The following SEC14L5 variants were observed in gnomAD, a reference collection of about 807,000 sequenced individuals.
SEC14L5 encodes SEC14-like protein 5.
In SEC14L5, 96 loss-of-function variants were observed where a neutral mutation model predicts 84.6. The ratio of observed to expected loss-of-function variants is 1.13; its 90% CI spans 0.96 to 1.34. The LOEUF is 1.34. SEC14L5 is among the 40% of genes most tolerant of loss of function. The pLI is 0.00. For missense variants in SEC14L5, 1,224 were observed against 942.5 expected (o/e 1.30, Z -3.91); for synonymous variants, 546 against 383.4 (o/e 1.42, Z -4.95).
chr16:4,999,437 C>T (rs371831625), intron 8 of SEC14L5, among the ~76,000 whole-genome samples: 1 of 151,430 alleles, frequency 6.6e-6, no homozygotes. Context: ...AGCTCGCCCC[C>T]CTCCACCACA....
intron 2 of SEC14L5, among the ~76,000 whole-genome samples, chr16:4,972,099 G>C (rs1158269264): frequency 2.6e-5 from 4 of 151,790 alleles, no homozygotes; most frequent in Non-Finnish European, 5.9e-5. Context: ...TCAACCTCCT[G>C]GGTTCAAGCG....
chr16:4,969,820 CTTTT>C (rs1050575299), intron 2 of SEC14L5, among the ~76,000 whole-genome samples: 1 of 141,304 alleles, frequency 7.1e-6, no homozygotes, highest in Non-Finnish European at 1.5e-5. Flanking sequence ...TTTTTCTTTC[CTTTT>C]TTTTTTTTTT....
At chr16:4,973,019 A>G (rs368257319) in intron 2 of SEC14L5, among the ~76,000 whole-genome samples, 2 of 152,222 alleles carry the variant, frequency 1.3e-5, no homozygotes, top group Non-Finnish European at 2.9e-5. Context: ...CTGCAAATTC[A>G]GGGATGTCAG....
rs371810475 is a variant in SEC14L5, at chr16:4,996,990, C to A, written c.916C>A (p.Pro306Thr). The change falls in exon 8 of 16, where the codon CCC (proline) becomes ACC (threonine). Residue 306 changes from proline (P) to threonine (T), a missense_variant. Coordinates refer to ENST00000251170, the MANE Select transcript of SEC14L5 (RefSeq NM_014692.2). Reference sequence around the variant, plus strand: ...GGATCTCCTCCTTCAGACCTGGCAACCCCCTGCCCTGCTGGAGGAGTTCTA... The same window carrying A: ...GGATCTCCTCCTTCAGACCTGGCAAACCCCTGCCCTGCTGGAGGAGTTCTA... The part of the protein sequence containing the change: ...QVDLLLQTWQ[P>T]PALLEEFYAG... 1 of 1,613,334 alleles carries A rather than the reference C, an allele frequency of 6.2e-7. No homozygotes were observed. Among genetic ancestry groups the A allele is most frequent in the Admixed American group, 1.7e-5 (1 of 59,934 alleles).
At chr16:5,014,519 AG>A (rs1001317615) in intron 15 of SEC14L5, among the ~76,000 whole-genome samples, 108 of 152,372 alleles carry the variant, frequency 7.1e-4, no homozygotes, top group African/African-American at 2.5e-3. Flanking sequence ...AAGAGCTAGG[AG>A]GAGGACCATG....
At position 5,014,935 on chromosome 16, in the gene SEC14L5, G is replaced by C. The variant is rs764165666; in HGVS notation, c.2056G>C (p.Gly686Arg). 3 of 1,612,442 alleles carry C rather than the reference G, an allele frequency of 1.9e-6. No homozygotes were observed. The highest frequency in any genetic ancestry group is 2.5e-6 in the Non-Finnish European group (3 of 1,179,848). The change falls in exon 16 of 16, where the codon GGC becomes CGC. Residue 686 changes from glycine (G) to arginine (R), a missense_variant. By Grantham distance (125) the Gly-to-Arg change is moderately radical. Coordinates refer to ENST00000251170, the MANE Select transcript of SEC14L5 (RefSeq NM_014692.2). ...LSAATSSSSS[G>R]QSHSSSLVSR Reference sequence around the variant, plus strand: ...CGCCGCCACCTCGTCCTCCTCCTCCGGCCAGTCTCATAGCAGCTCCCTGGT... The same window carrying C: ...CGCCGCCACCTCGTCCTCCTCCTCCCGCCAGTCTCATAGCAGCTCCCTGGT...
chr16:4,983,631 C>A (rs1955452503), intron 2 of SEC14L5, among the ~76,000 whole-genome samples: 1 of 151,438 alleles, frequency 6.6e-6, no homozygotes, highest in South Asian at 2.1e-4. Flanking sequence ...AATCCCAGCA[C>A]TTTGGGAGGC....
At chr16:4,977,154 G>C (rs996977983) in intron 2 of SEC14L5, among the ~76,000 whole-genome samples, 1 of 152,128 alleles carries the variant, frequency 6.6e-6, no homozygotes, top group Admixed American at 6.6e-5. Context: ...AATACAAAAA[G>C]AAACCTGCAG....
At position 5,000,879 on chromosome 16, in the gene SEC14L5, C is replaced by T. The variant is rs1350707713; in HGVS notation, c.1084C>T (p.Gln362Ter). ...GGTTCTCTCCGTCAACGAGGAAGGA[C>T]AGAAGCGGTGTGAGGGGAGCACAAG... ...RHVLSVNEEGQKRCEGSTRQL... is the reference protein window; with the variant it reads ...RHVLSVNEEG The change falls in exon 10 of 16, where the codon CAG (glutamine) becomes TAG (stop). Residue 362 changes from glutamine to a stop codon, truncating the protein, a stop_gained. Coordinates refer to ENST00000251170, the MANE Select transcript of SEC14L5 (RefSeq NM_014692.2). LOFTEE classifies it high-confidence loss of function. 2 of 1,608,554 alleles carry T rather than the reference C, an allele frequency of 1.2e-6. No individual in the cohort carries two copies. Among genetic ancestry groups the T allele is most frequent in the Non-Finnish European group, 1.7e-6 (2 of 1,177,686 alleles).
Position 4,996,974 on chromosome 16 carries a change from C to T in SEC14L5, c.900C>T (p.Leu300=), listed in dbSNP as rs758520933. 6.2e-7 allele frequency: 1 copy of T among 1,613,648 alleles called. No homozygotes were observed. Among genetic ancestry groups the T allele is most frequent in the South Asian group, 1.1e-5 (1 of 91,004 alleles). ...GCAAGCAGCACCAGGTGGATCTCCT[C>T]CTTCAGACCTGGCAACCCCCTGCCC... The part of the protein sequence containing the change: ...SWRKQHQVDL[L]LQTWQPPALL... The change falls in exon 8 of 16, where the codon CTC becomes CTT. Residue 300 remains leucine (L), a synonymous_variant. Coordinates refer to ENST00000251170, the MANE Select transcript of SEC14L5 (RefSeq NM_014692.2).
At chr16:4,963,513 T>G (rs1371072521) in intron 2 of SEC14L5, among the ~76,000 whole-genome samples, 1 of 152,204 alleles carries the variant, frequency 6.6e-6, no homozygotes, top group Non-Finnish European at 1.5e-5. Context: ...ACTTGACTAA[T>G]TTTTGTATTT....
chr16:4,987,535 C>G, intron 2 of SEC14L5, 22 bp from the exon 3 acceptor site: 1 of 1,527,180 alleles, frequency 6.5e-7, no homozygotes, highest in Non-Finnish European at 8.8e-7. Flanking sequence ...ACCACGGCCG[C>G]TCACTGCCGC....
intron 10 of SEC14L5, among the ~76,000 whole-genome samples, chr16:5,002,586 G>A (rs1323402159): frequency 6.6e-6 from 1 of 152,196 alleles, no homozygotes; most frequent in African/African-American, 2.4e-5. Context: ...CTGGCCGGAA[G>A]CATAATTCAC....
At chr16:4,979,969 T>C (rs927105688) in intron 2 of SEC14L5, among the ~76,000 whole-genome samples, 4 of 152,188 alleles carry the variant, frequency 2.6e-5, no homozygotes, top group African/African-American at 4.8e-5. Flanking sequence ...AAGCCACCGA[T>C]GCTTGTGACG....
chr16:4,977,311 G>T (rs1229203356), intron 2 of SEC14L5, among the ~76,000 whole-genome samples: 1 of 151,758 alleles, frequency 6.6e-6, no homozygotes, highest in African/African-American at 2.4e-5. Flanking sequence ...GTTGGGTGTG[G>T]TGGTGGGTGC....
intron 11 of SEC14L5, among the ~76,000 whole-genome samples, chr16:5,005,396 G>A (rs569179922): frequency 4.7e-5 from 6 of 128,168 alleles, no homozygotes; most frequent in Non-Finnish European, 6.9e-5. Flanking sequence ...CCTGGGTTGG[G>A]GGAGGGGAGA....
At chr16:4,971,144 G>A (rs958012104) in intron 2 of SEC14L5, among the ~76,000 whole-genome samples, 4 of 151,792 alleles carry the variant, frequency 2.6e-5, no homozygotes, top group African/African-American at 9.7e-5. Context: ...GCAGCCATGG[G>A]TTAGGGAACT....
At chr16:4,980,984 A>C (rs1006951100) in intron 2 of SEC14L5, among the ~76,000 whole-genome samples, 11 of 151,754 alleles carry the variant, frequency 7.2e-5, no homozygotes, top group Admixed American at 2.0e-4. Context: ...TTCTAAACGC[A>C]GCAAAGCTGG....
chr16:4,994,981 C>T (rs74005467), intron 6 of SEC14L5, among the ~76,000 whole-genome samples: 2,119 of 152,276 alleles, frequency 0.014, 37 homozygotes, highest in African/African-American at 0.048. Flanking sequence ...ATCCCATCCT[C>T]ACTCCCTCCC....
Sources: allele counts gnomAD v4.1 joint callset (sites outside exome capture counted in the v4.1 genomes callset), GRCh38; gene constraint gnomAD v4.1.1; transcripts MANE v1.5; gene names NCBI Gene and HGNC (gene_info 2026-07-23, HGNC 2026-07-21).